The following LHFPL4 variants were observed in gnomAD, a reference collection of about 807,000 sequenced individuals.
LHFPL4 encodes the protein LHFPL tetraspan subfamily member 4, also known as LHFPL tetraspan subfamily member 4 protein.
In LHFPL4, 6 loss-of-function variants were observed where a neutral mutation model predicts 20.0. The ratio of observed to expected loss-of-function variants is 0.30; its 90% confidence interval spans 0.16 to 0.59. The LOEUF is 0.59. Ranked by LOEUF, LHFPL4 falls within the 20% of genes least tolerant of loss-of-function variation. The pLI is 0.88. For missense variants in LHFPL4, 215 were observed against 331.2 expected, an observed-to-expected ratio of 0.65 and a Z score of 2.72; for synonymous variants, 129 against 143.8, an observed-to-expected ratio of 0.90 and a Z score of 0.74.
intron 2 of LHFPL4, among the ~76,000 whole-genome samples, chr3:9,530,281 T>C (rs1311091548): frequency 6.6e-6 from 1 of 152,230 alleles, no homozygotes; most frequent in Admixed American, 6.5e-5. Context: ...TTGTTTAGTC[T>C]ACCCATCTTC....
intron 2 of LHFPL4, among the ~76,000 whole-genome samples, chr3:9,523,983 T>TTCC (rs796163782): frequency 1.5e-5 from 2 of 134,070 alleles, no homozygotes; most frequent in Non-Finnish European, 3.2e-5. Context: ...GGCTAGTATT[T>TTCC]CCCCCCCCCC....
intron 2 of LHFPL4, among the ~76,000 whole-genome samples, chr3:9,532,986 G>A (rs2046420088): frequency 6.6e-6 from 1 of 152,198 alleles, no homozygotes; most frequent in African/African-American, 2.4e-5. Context: ...GTGCGGGGCT[G>A]CAGAAGCTGC....
chr3:9,519,701 G>A (rs2046326417), intron 2 of LHFPL4, among the ~76,000 whole-genome samples: 1 of 152,094 alleles, frequency 6.6e-6, no homozygotes, highest in South Asian at 2.1e-4. Context: ...TAGGACTACA[G>A]GCATGTGCCA....
intron 2 of LHFPL4, among the ~76,000 whole-genome samples, chr3:9,546,121 C>T (rs1041306847): frequency 2.0e-5 from 3 of 151,984 alleles, no homozygotes; most frequent in East Asian, 1.9e-4. Flanking sequence ...CGAGACCAGC[C>T]TGGCCAACAT....
chr3:9,544,463 A>G (rs912955235), intron 2 of LHFPL4, among the ~76,000 whole-genome samples: 1 of 151,812 alleles, frequency 6.6e-6, no homozygotes, highest in Non-Finnish European at 1.5e-5. Context: ...CGTCTCTACT[A>G]AAAATACAAA....
intron 2 of LHFPL4, among the ~76,000 whole-genome samples, chr3:9,544,581 G>T (rs757353704): frequency 6.6e-6 from 1 of 152,048 alleles, no homozygotes; most frequent in Non-Finnish European, 1.5e-5. Context: ...GCCGAGATCA[G>T]ACCACTGCAC....
chr3:9,548,298 C>A (rs964860786), intron 2 of LHFPL4, among the ~76,000 whole-genome samples: 4 of 152,166 alleles, frequency 2.6e-5, no homozygotes, highest in Non-Finnish European at 4.4e-5. Context: ...AAAATGTTAG[C>A]TATTTTTCTG....
chr3:9,536,682 C>A (rs2046446322), intron 2 of LHFPL4, among the ~76,000 whole-genome samples: 1 of 152,142 alleles, frequency 6.6e-6, no homozygotes, highest in Non-Finnish European at 1.5e-5. Flanking sequence ...GGTATCATGG[C>A]TGGGCACAGT....
chr3:9,520,341 TTTGTTGTTG>T, intron 2 of LHFPL4, among the ~76,000 whole-genome samples: 1 of 152,036 alleles, frequency 6.6e-6, no homozygotes, highest in East Asian at 1.9e-4. Flanking sequence ...CTTGAGGTTT[TTTGTTGTTG>T]TTGTTGTTGT....
chr3:9,516,529 A>G (rs756813451), intron 2 of LHFPL4, among the ~76,000 whole-genome samples: 2 of 151,638 alleles, frequency 1.3e-5, no homozygotes, highest in Admixed American at 6.6e-5. Flanking sequence ...GTTAGAGTAC[A>G]GTGGCACGAT....
At chr3:9,537,376 C>T (rs2046450217) in intron 2 of LHFPL4, among the ~76,000 whole-genome samples, 1 of 152,148 alleles carries the variant, frequency 6.6e-6, no homozygotes, top group South Asian at 2.1e-4. Flanking sequence ...CTGTTGGGAA[C>T]ACAAATAATG....
rs2046169738 is a variant in LHFPL4, at chr3:9,501,179, G to A, written c.*1032C>T. 6.5e-6 allele frequency: 1 copy of A among 152,782 alleles called. No homozygotes were observed. The highest frequency in any genetic ancestry group is 1.5e-5 in the Non-Finnish European group (1 of 68,146). The allele number at this position is 152,782 out of a possible 1,614,324, so 9.5% of individuals were successfully genotyped here. On this transcript the variant is annotated 3_prime_UTR_variant, in exon 4 of 4. Transcript: ENST00000287585. Reference sequence around the variant, plus strand: ...CTGCAAGTTCAAGTTATGCAGAAAAGTATCAAAGAGACAAGACAGTCTCTG... The same window carrying A: ...CTGCAAGTTCAAGTTATGCAGAAAAATATCAAAGAGACAAGACAGTCTCTG...
chr3:9,501,226 A>G lies in LHFPL4; in HGVS notation c.*985T>C, dbSNP rs2046170177. ...TCTGCCCTTGGTAGACGCCTGGGGT[A>G]TGGAGGGCATGAAAAGGGGCAGAAG... On this transcript the variant is annotated 3_prime_UTR_variant, in exon 4 of 4. Coordinates refer to ENST00000287585, the MANE Select transcript of LHFPL4 (RefSeq NM_198560.3). 2 of 152,722 alleles carry G rather than the reference A, an allele frequency of 1.3e-5. No individual in the cohort carries two copies. Among genetic ancestry groups the G allele is most frequent in the African/African-American group, 2.4e-5 (1 of 41,412 alleles). 9.5% of individuals were successfully genotyped at this position (152,722 alleles called of 1,614,324 possible). A position where few individuals can be genotyped will look rare whatever the true frequency, so the allele number is the denominator to read the frequency against.
chr3:9,533,848 A>T (rs1327561834), intron 2 of LHFPL4, among the ~76,000 whole-genome samples: 1 of 151,912 alleles, frequency 6.6e-6, no homozygotes, highest in Non-Finnish European at 1.5e-5. Context: ...TTTATGACCT[A>T]GGTGCTTTTT....
intron 2 of LHFPL4, among the ~76,000 whole-genome samples, chr3:9,522,420 G>A (rs539876400): frequency 6.6e-5 from 10 of 152,032 alleles, no homozygotes; most frequent in African/African-American, 2.2e-4. Context: ...TAAACAAACT[G>A]TTATCTGTTA....
intron 2 of LHFPL4, among the ~76,000 whole-genome samples, chr3:9,546,211 A>T (rs1184426328): frequency 6.7e-6 from 1 of 150,308 alleles, no homozygotes; most frequent in African/African-American, 2.4e-5. Context: ...GCTACTCAGT[A>T]GGCTGAGACA....
chr3:9,537,879 C>A (rs1004425427), intron 2 of LHFPL4, among the ~76,000 whole-genome samples: 9 of 152,086 alleles, frequency 5.9e-5, no homozygotes, highest in Non-Finnish European at 8.8e-5. Context: ...ACAGCTGAGA[C>A]CTTCTCCTCA....
rs943818400 is a variant in LHFPL4 at position 9,500,762 on chromosome 3, G to A, written c.*1449C>T. On this transcript the variant is annotated 3_prime_UTR_variant, in exon 4 of 4. Coordinates refer to ENST00000287585, the MANE Select transcript of LHFPL4 (RefSeq NM_198560.3). Reference sequence around the variant, plus strand: ...TGCACCAGCAACTAGTGCTGAGGGAGCTGTCCAGGCCCCAGGGCAGGGAGG... The same window carrying A: ...TGCACCAGCAACTAGTGCTGAGGGAACTGTCCAGGCCCCAGGGCAGGGAGG... 4 of 152,272 alleles carry A rather than the reference G, an allele frequency of 2.6e-5. No homozygotes were observed. The highest frequency in any genetic ancestry group is 4.8e-5 in the African/African-American group (2 of 41,458). 9.4% of individuals were successfully genotyped at this position (152,272 alleles called of 1,614,324 possible).
At chr3:9,502,861 G>C (rs1278027532) in intron 3 of LHFPL4, among the ~76,000 whole-genome samples, 2 of 152,112 alleles carry the variant, frequency 1.3e-5, no homozygotes, top group Admixed American at 6.5e-5. Context: ...CTACCTCACA[G>C]GGTAATTCCG....
Sources: gnomAD v4.1 joint callset for allele counts (sites outside exome capture counted in the v4.1 genomes callset) on GRCh38, gnomAD v4.1.1 for gene constraint, MANE v1.5 for transcripts, NCBI Gene and HGNC (gene_info 2026-07-23, HGNC 2026-07-21) for gene names.